PRDM5: variants seen among roughly 807,000 people sequenced by gnomAD.
The protein encoded by PRDM5 is PR domain zinc finger protein 5.
PRDM5 carries 56 observed loss-of-function variants against 81.2 expected under a neutral mutation model. The ratio of observed to expected loss-of-function variants is 0.69; its 90% CI spans 0.56 to 0.86. The LOEUF (loss-of-function observed/expected upper bound fraction) is 0.86. Ranked by LOEUF, PRDM5 falls within the 40% of genes least tolerant of loss-of-function variation. PRDM5 has a pLI of 0.00. For missense variants in PRDM5, 697 were observed against 770.1 expected, an observed-to-expected ratio of 0.91 and a Z score of 1.12; for synonymous variants, 267 against 256.4, an observed-to-expected ratio of 1.04 and a Z score of -0.39.
rs551735905 is a variant in PRDM5 at position 120,818,431 on chromosome 4, T to C, written c.572A>G (p.Gln191Arg). The change falls in exon 5 of 16, where the codon CAG becomes CGG. Residue 191 changes from glutamine (Q) to arginine (R), a missense_variant. Physicochemically the swap from Gln to Arg is conservative, Grantham distance 43. Around this residue, in one of 3 missense-constraint regions of PRDM5, gnomAD observed 577 missense variants for 606.7 expected, o/e 0.95. Coordinates refer to ENST00000264808, the MANE Select transcript of PRDM5 (RefSeq NM_018699.4). ...AAATTCTTTCTCCTCTGTGGGTTTC[T>C]GGTGCAATGTCTGGAGATGCTCAGC... Reference protein sequence around the residue: ...ILAEHLQTLHQKPTEEKEFKC... With the variant: ...ILAEHLQTLHRKPTEEKEFKC... 1.2e-5 allele frequency: 19 copies of C among 1,614,016 alleles called. No individual in the cohort carries two copies. In the South Asian group the frequency reaches 2.0e-4, roughly 17 times the overall value.
At chr4:120,904,206 C>A (rs6851612) in intron 2 of PRDM5, among the ~76,000 whole-genome samples, 95,432 of 107,394 alleles carry the variant, frequency 0.89, 42,314 homozygotes, top group Non-Finnish European at 0.93. Context: ...AAAAAAAAAA[C>A]AAAAAAACCT....
rs1361030344 is a variant in PRDM5 at position 120,694,327 on chromosome 4, C to A, written c.*784G>T. On this transcript the variant is annotated 3_prime_UTR_variant, in exon 16 of 16. Transcript: ENST00000264808. ...CTGTTAATTTCTAAAGCTAAATGGT[C>A]TAAATTCAAGAGGGGTAGCCTGCTG... 1 of 151,972 alleles carries A rather than the reference C, an allele frequency of 6.6e-6. No individual in the cohort carries two copies. Among genetic ancestry groups the A allele is most frequent in the Non-Finnish European group, 1.5e-5 (1 of 67,964 alleles). 9.4% of individuals were successfully genotyped at this position (151,972 alleles called of 1,614,324 possible).
At chr4:120,710,222 CACACACACACACACACAT>C in intron 15 of PRDM5, 69 bp downstream of exon 15, 1 of 494,368 alleles carries the variant, frequency 2.0e-6, no homozygotes, top group Non-Finnish European at 3.2e-6. Context: ...CACACACAGA[CACACACACACACACACAT>C]ACACACACAC....
intron 14 of PRDM5, among the ~76,000 whole-genome samples, chr4:120,736,950 C>G (rs1254362159): frequency 6.6e-6 from 1 of 152,128 alleles, no homozygotes; most frequent in Non-Finnish European, 1.5e-5. Context: ...TTAATCTTAA[C>G]CCCTAATAAC....
chr4:120,751,920 T>G (rs1444684357), intron 14 of PRDM5, among the ~76,000 whole-genome samples: 1 of 152,216 alleles, frequency 6.6e-6, no homozygotes, highest in Non-Finnish European at 1.5e-5. Context: ...TTATTTTTTT[T>G]CTGTTGTTGT....
chr4:120,836,838 G>A (rs1455591349), intron 3 of PRDM5, among the ~76,000 whole-genome samples: 1 of 152,112 alleles, frequency 6.6e-6, no homozygotes, highest in Admixed American at 6.6e-5. Context: ...TACTTTAGGG[G>A]GGGTTGTTAG....
At chr4:120,707,995 A>T (rs752412197) in intron 15 of PRDM5, among the ~76,000 whole-genome samples, 12 of 151,440 alleles carry the variant, frequency 7.9e-5, no homozygotes, top group Admixed American at 5.3e-4. Flanking sequence ...ATAATTAAAT[A>T]AAAAAAAAGT....
At chr4:120,743,067 T>G (rs1263390078) in intron 14 of PRDM5, among the ~76,000 whole-genome samples, 4 of 151,858 alleles carry the variant, frequency 2.6e-5, no homozygotes, top group African/African-American at 7.3e-5. Context: ...CCCATCAGAC[T>G]AATAGCGGAT....
intron 14 of PRDM5, among the ~76,000 whole-genome samples, chr4:120,745,985 A>G (rs1363306600): frequency 6.7e-6 from 1 of 150,158 alleles, no homozygotes; most frequent in Non-Finnish European, 1.5e-5. Flanking sequence ...GTCAATCCTA[A>G]GCCAAAAGAA....
intron 14 of PRDM5, among the ~76,000 whole-genome samples, chr4:120,748,642 CAAA>C (rs34983420): frequency 1.4e-5 from 2 of 140,822 alleles, no homozygotes; most frequent in South Asian, 2.3e-4. Context: ...CCCTCTCTCT[CAAA>C]AAAAAAAAAA....
intron 2 of PRDM5, among the ~76,000 whole-genome samples, chr4:120,894,978 A>G (rs1187528573): frequency 1.3e-5 from 2 of 152,170 alleles, no homozygotes; most frequent in Non-Finnish European, 2.9e-5. Context: ...ACACCAAAAC[A>G]TCGGAAATCC....
At chr4:120,915,617 T>C (rs1310113007) in intron 1 of PRDM5, among the ~76,000 whole-genome samples, 2 of 152,106 alleles carry the variant, frequency 1.3e-5, no homozygotes, top group African/African-American at 4.8e-5. Flanking sequence ...CAATAAACTA[T>C]GTCATCCCCA....
chr4:120,914,559 T>C (rs1723882748), intron 1 of PRDM5, among the ~76,000 whole-genome samples: 1 of 152,120 alleles, frequency 6.6e-6, no homozygotes, highest in South Asian at 2.1e-4. Context: ...CAGTTCCACA[T>C]TGCTAGGGAG....
intron 14 of PRDM5, among the ~76,000 whole-genome samples, chr4:120,723,690 T>G (rs928288103): frequency 2.0e-5 from 3 of 151,956 alleles, no homozygotes; most frequent in African/African-American, 7.2e-5. Context: ...TAAAAACATA[T>G]ATATACACAC....
chr4:120,880,848 A>G (rs1762775927), intron 2 of PRDM5, among the ~76,000 whole-genome samples: 1 of 152,184 alleles, frequency 6.6e-6, no homozygotes, highest in Non-Finnish European at 1.5e-5. Context: ...ACGCTCATCA[A>G]TTTCAAAATT....
At chr4:120,770,789 C>G (rs1235956604) in intron 13 of PRDM5, among the ~76,000 whole-genome samples, 5 of 152,022 alleles carry the variant, frequency 3.3e-5, no homozygotes, top group Non-Finnish European at 7.4e-5. Context: ...TAGCACAAAT[C>G]TTATAATAAC....
chr4:120,882,315 T>G (rs1281271530), intron 2 of PRDM5, among the ~76,000 whole-genome samples: 1 of 152,128 alleles, frequency 6.6e-6, no homozygotes, highest in African/African-American at 2.4e-5. Flanking sequence ...ACCCAGCTAA[T>G]TTTTGTATTT....
chr4:120,780,693 TC>T (rs1195435667), intron 12 of PRDM5, among the ~76,000 whole-genome samples: 2 of 152,054 alleles, frequency 1.3e-5, no homozygotes, highest in Admixed American at 6.6e-5. Context: ...TTCCCTATGC[TC>T]TAGAGAGGTA....
chr4:120,913,878 AC>A (rs1180148044), intron 1 of PRDM5, among the ~76,000 whole-genome samples: 1 of 152,218 alleles, frequency 6.6e-6, no homozygotes, highest in Non-Finnish European at 1.5e-5. Flanking sequence ...CCACAAAAGT[AC>A]AAGGAGACCA....
Sources: allele counts gnomAD v4.1 joint callset (sites outside exome capture counted in the v4.1 genomes callset), GRCh38; gene constraint gnomAD v4.1.1; regional missense constraint gnomAD v4.1.1; transcripts MANE v1.5; gene names NCBI Gene and HGNC (gene_info 2026-07-23, HGNC 2026-07-21).